CHST5: variants seen among roughly 807,000 people sequenced by gnomAD.
CHST5 encodes the protein carbohydrate sulfotransferase 5.
For missense variants in CHST5, 637 were observed against 602.1 expected, an observed-to-expected ratio of 1.06 and a Z score of -0.61; for synonymous variants, 313 against 279.2, an observed-to-expected ratio of 1.12 and a Z score of -1.21.
Position 75,530,993 on chromosome 16 carries a change from C to T in CHST5, c.-609G>A. On this transcript the variant is annotated 5_prime_UTR_variant, in exon 4 of 4. Transcript: ENST00000336257. ...AGGATTGCACCTTTTACAAGGTGTG[C>T]TTCTGTATTATATAATTTTTTTAAC... is the stretch of plus-strand genomic sequence containing the variant. 3.0e-6 allele frequency: 3 copies of T among 1,002,122 alleles called. No individual in the cohort carries two copies. The highest frequency in any genetic ancestry group is 3.6e-6 in the Non-Finnish European group (3 of 831,404). 62.1% of individuals were successfully genotyped at this position (1,002,122 alleles called of 1,614,324 possible).
chr16:75,534,722 A>C (rs947384316), intron 2 of CHST5, among the ~76,000 whole-genome samples: 1 of 152,224 alleles, frequency 6.6e-6, no homozygotes, highest in South Asian at 2.1e-4. Context: ...CCTTTCCTAA[A>C]GCCTAACATC....
rs151105071 is a variant in CHST5, at chr16:75,529,504, C to G, written c.881G>C (p.Arg294Pro). 4 of 1,611,022 alleles carry G rather than the reference C, an allele frequency of 2.5e-6. No individual in the cohort carries two copies. The highest frequency in any genetic ancestry group is 2.5e-6 in the Non-Finnish European group (3 of 1,179,656). ...PFLRGRYRLV[R>P]FEDLAREPLA... Reference sequence around the variant, plus strand: ...CGGCTCCCGCGCCAGGTCCTCGAAGCGCACCAGGCGGTAGCGGCCGCGCAG... The same window carrying G: ...CGGCTCCCGCGCCAGGTCCTCGAAGGGCACCAGGCGGTAGCGGCCGCGCAG... Residue 294 changes from arginine (R) to proline (P), a missense_variant, in exon 4 of 4, where the codon CGC (arginine) becomes CCC (proline). Coordinates refer to ENST00000336257, the MANE Select transcript of CHST5 (RefSeq NM_024533.5).
In CHST5 at chr16:75,530,277, G is replaced by A; in HGVS notation, c.108C>T (p.Leu36=). 1 of 1,612,970 alleles carries A rather than the reference G, an allele frequency of 6.2e-7. No homozygotes were observed. Among genetic ancestry groups the A allele is most frequent in the Non-Finnish European group, 8.5e-7 (1 of 1,179,786 alleles). Residue 36 remains leucine, a synonymous_variant, in exon 4 of 4, where the codon CTC becomes CTT. Coordinates refer to ENST00000336257, the MANE Select transcript of CHST5 (RefSeq NM_024533.5). ...RFSSKTVTVL[L]LAQTTCLLLF... ...GCAGGAGGCAGGTGGTCTGTGCCAG[G>A]AGGAGCACTGTCACTGTCTTGCTGG...
At chr16:75,531,677 CAG>C (rs1202767837) in intron 3 of CHST5, 37 bp from the exon 4 acceptor site, 2 of 1,292,068 alleles carry the variant, frequency 1.5e-6, no homozygotes, top group Non-Finnish European at 2.0e-6. Flanking sequence ...CAGAGCCCTA[CAG>C]AGAGACAGCC....
Position 75,529,746 on chromosome 16 carries a change from G to A in CHST5, c.639C>T (p.Pro213=), listed in dbSNP as rs759394593. ...LQVLYPLLSD[P]ALNLRIVHLV... Reference sequence around the variant, plus strand: ...GGTGCACGATGCGCAGGTTGAGCGCGGGGTCGCTGAGCAGCGGGTAGAGCA... The same window carrying A: ...GGTGCACGATGCGCAGGTTGAGCGCAGGGTCGCTGAGCAGCGGGTAGAGCA... Residue 213 remains proline, a synonymous_variant, in exon 4 of 4, where the codon CCC becomes CCT. Transcript: ENST00000336257. 1.2e-5 allele frequency: 19 copies of A among 1,613,290 alleles called. No homozygotes were observed. Among genetic ancestry groups the A allele is most frequent in the East Asian group, 4.5e-5 (2 of 44,858 alleles).
chr16:75,528,948 C>T lies in CHST5; in HGVS notation c.*201G>A, dbSNP rs1253574426. 2 of 560,802 alleles carry T rather than the reference C, an allele frequency of 3.6e-6. No individual in the cohort carries two copies. The highest frequency in any genetic ancestry group is 3.0e-5 in the East Asian group (1 of 33,198). 34.7% of individuals were successfully genotyped at this position (560,802 alleles called of 1,614,324 possible). ...ATGAAGAGTGCACCTGATGAGAAGGCAGCTCCAGAAGACTCAAAGGAAAAC... is the reference window on the plus strand; with the variant it reads ...ATGAAGAGTGCACCTGATGAGAAGGTAGCTCCAGAAGACTCAAAGGAAAAC... On this transcript the variant is annotated 3_prime_UTR_variant, in exon 4 of 4. Transcript: ENST00000336257.
Position 75,531,065 on chromosome 16 carries a change from G to A in CHST5, c.-681C>T, listed in dbSNP as rs1047665716. On this transcript the variant is annotated 5_prime_UTR_variant, in exon 4 of 4. It introduces an in-frame stop codon into an upstream open reading frame of the 5' UTR. Coordinates refer to ENST00000336257, the MANE Select transcript of CHST5 (RefSeq NM_024533.5). ...CAGCCAGGCGCGGTGGCTCACGCCT[G>A]TAATCCCAGCATTATGGGAGGCCGA... 4.0e-6 allele frequency: 4 copies of A among 1,000,782 alleles called. No individual in the cohort carries two copies. The highest frequency in any genetic ancestry group is 4.8e-6 in the Non-Finnish European group (4 of 830,532). 62.0% of individuals were successfully genotyped at this position (1,000,782 alleles called of 1,614,324 possible). A position where few individuals can be genotyped will look rare whatever the true frequency, so the allele number is the denominator to read the frequency against.
In CHST5 at chr16:75,531,606, C is replaced by T. The variant is rs561309974; in HGVS notation, c.-1222G>A. The T allele has an allele frequency of 1.2e-4, 160 of 1,303,912 alleles. 1 individual carries two copies. The African/African-American group carries it at 2.1e-3, about 17-fold the overall frequency. 80.8% of individuals were successfully genotyped at this position (1,303,912 alleles called of 1,614,324 possible). A position where few individuals can be genotyped will look rare whatever the true frequency, so the allele number is the denominator to read the frequency against. On this transcript the variant is annotated 5_prime_UTR_variant, in exon 4 of 4. Transcript: ENST00000336257. The stretch of plus-strand genomic sequence containing the variant: ...TCCAGGGCTGCTGGGAGAGCTGCAA[C>T]GCTGATCACAAATCCATGGGAGATG...
At position 75,530,755 on chromosome 16, in the gene CHST5, C is replaced by A; in HGVS notation, c.-371G>T. Reference sequence around the variant, plus strand: ...ATGGGGGCTTCGGTGGATGTCAGAGCACCACCAGGCTCGCCGAGGTTGAAT... The same window carrying A: ...ATGGGGGCTTCGGTGGATGTCAGAGAACCACCAGGCTCGCCGAGGTTGAAT... On this transcript the variant is annotated 5_prime_UTR_variant, in exon 4 of 4. Coordinates refer to ENST00000336257, the MANE Select transcript of CHST5 (RefSeq NM_024533.5). 9.5e-7 allele frequency: 1 copy of A among 1,053,282 alleles called. No individual in the cohort carries two copies. Among genetic ancestry groups the A allele is most frequent in the Non-Finnish European group, 1.2e-6 (1 of 863,066 alleles). The allele number at this position is 1,053,282 out of a possible 1,614,324, so 65.2% of individuals were successfully genotyped here. A position where few individuals can be genotyped will look rare whatever the true frequency, so the allele number is the denominator to read the frequency against.
At position 75,529,962 on chromosome 16, in the gene CHST5, G is replaced by A; in HGVS notation, c.423C>T (p.Ala141=). ...CGCGGCTCGTTGCCCAGTTGAAAAAGGCGGACAGGTTTCGGCTCTGTGGCA... is the reference window on the plus strand; with the variant it reads ...CGCGGCTCGTTGCCCAGTTGAAAAAAGCGGACAGGTTTCGGCTCTGTGGCA... The part of the protein sequence containing the change: ...AYMPQSRNLS[A]FFNWATSRAL... The change falls in exon 4 of 4, where the codon GCC becomes GCT. Residue 141 remains alanine (A), a synonymous_variant. Transcript: ENST00000336257. 6.2e-7 allele frequency: 1 copy of A among 1,613,334 alleles called. No homozygotes were observed. Among genetic ancestry groups the A allele is most frequent in the South Asian group, 1.1e-5 (1 of 91,088 alleles).
In CHST5 at chr16:75,533,644, CA is replaced by C. The variant is rs1180330010; in HGVS notation, c.-1351-462del. On this transcript the variant is annotated intron_variant, in intron 2 of 3. Coordinates refer to ENST00000336257, the MANE Select transcript of CHST5 (RefSeq NM_024533.5). ...TGAGGGCATCGCAGACTTGGCCTCC[CA>C]AAGTGTTGGGATTACAGGCGTGAGC... Among the ~76,000 whole-genome samples the C allele has an allele frequency of 2.0e-5, 3 of 152,242 alleles. No homozygotes were observed. In the East Asian group the frequency reaches 5.8e-4, roughly 30 times the overall value.
Position 75,531,341 on chromosome 16 carries a change from CAAA to C in CHST5, c.-960_-958del, listed in dbSNP as rs369238400. On this transcript the variant is annotated 5_prime_UTR_variant, in exon 4 of 4. Transcript: ENST00000336257. ...GTTTCAAAAAAAAAAAAAAAAACAA[CAAA>C]AAAAAAACTTTTGTCATTAAAGATA... The C allele has an allele frequency of 6.1e-5, 51 of 834,498 alleles. No individual in the cohort carries two copies. Among genetic ancestry groups the C allele is most frequent in the South Asian group, 3.3e-4 (8 of 24,144 alleles). The allele number at this position is 834,498 out of a possible 1,614,324, so 51.7% of individuals were successfully genotyped here. A position where few individuals can be genotyped will look rare whatever the true frequency, so the allele number is the denominator to read the frequency against.
intron 2 of CHST5, among the ~76,000 whole-genome samples, chr16:75,534,174 C>A (rs1421107205): frequency 1.3e-5 from 2 of 151,840 alleles, no homozygotes; most frequent in African/African-American, 4.8e-5. Flanking sequence ...CATGGTGAAA[C>A]CCCATCGCTA....
chr16:75,529,702 G>A lies in CHST5; in HGVS notation c.683C>T (p.Ala228Val). Residue 228 changes from alanine (A) to valine (V), a missense_variant, in exon 4 of 4, where the codon GCC becomes GTC. Coordinates refer to ENST00000336257, the MANE Select transcript of CHST5 (RefSeq NM_024533.5). ...RIVHLVRDPR[A>V]VLRSREAAGP... The stretch of plus-strand genomic sequence containing the variant: ...CGCCGCCTCCCGGGAGCGCAGCACG[G>A]CCCGCGGGTCGCGCACCAGGTGCAC... 1 of 1,611,238 alleles carries A rather than the reference G, an allele frequency of 6.2e-7. No homozygotes were observed. The highest frequency in any genetic ancestry group is 8.5e-7 in the Non-Finnish European group (1 of 1,179,026).
intron 1 of CHST5, among the ~76,000 whole-genome samples, 123 bp downstream of exon 1, chr16:75,535,921 T>A (rs1462066774): frequency 1.3e-5 from 2 of 152,162 alleles, no homozygotes; most frequent in Non-Finnish European, 1.5e-5. Context: ...AAGGCCCTAG[T>A]GAAGGAAGTC....
At chr16:75,535,642 G>A (rs1400845254) in intron 1 of CHST5, among the ~76,000 whole-genome samples, 1 of 152,184 alleles carries the variant, frequency 6.6e-6, no homozygotes, top group African/African-American at 2.4e-5. Context: ...CGGGAGCCAG[G>A]GAAATGGGAG....
rs1031947268 is a variant in CHST5 at position 75,531,181 on chromosome 16, G to C, written c.-797C>G. 1.7e-6 allele frequency: 1 copy of C among 574,684 alleles called. No individual in the cohort carries two copies. The highest frequency in any genetic ancestry group is 2.1e-5 in the African/African-American group (1 of 48,450). The allele number at this position is 574,684 out of a possible 1,614,324, so 35.6% of individuals were successfully genotyped here. Reference sequence around the variant, plus strand: ...ACTAAAAATACAAAAAATTAGCCAGGCGTGATGGTGGGCGCCTGTAGTCCC... The same window carrying C: ...ACTAAAAATACAAAAAATTAGCCAGCCGTGATGGTGGGCGCCTGTAGTCCC... On this transcript the variant is annotated 5_prime_UTR_variant, in exon 4 of 4. Coordinates refer to ENST00000336257, the MANE Select transcript of CHST5 (RefSeq NM_024533.5).
chr16:75,530,267 T>G lies in CHST5; in HGVS notation c.118A>C (p.Thr40Pro), dbSNP rs764869448. The change falls in exon 4 of 4, where the codon ACC becomes CCC. Residue 40 changes from threonine (T) to proline (P), a missense_variant. Thr to Pro is a conservative substitution (Grantham distance 38). Transcript: ENST00000336257. ...KTVTVLLLAQ[T>P]TCLLLFIISR... ...ATGATGAAGAGCAGGAGGCAGGTGG[T>G]CTGTGCCAGGAGGAGCACTGTCACT... is the stretch of plus-strand genomic sequence containing the variant. 1.2e-6 allele frequency: 2 copies of G among 1,613,260 alleles called. No homozygotes were observed. The highest frequency in any genetic ancestry group is 8.5e-7 in the Non-Finnish European group (1 of 1,179,870).
Position 75,530,285 on chromosome 16 carries a change from C to T in CHST5, c.100G>A (p.Val34Met), listed in dbSNP as rs2080505889. 6.2e-7 allele frequency: 1 copy of T among 1,612,368 alleles called. No individual in the cohort carries two copies. Among genetic ancestry groups the T allele is most frequent in the African/African-American group, 1.3e-5 (1 of 75,036 alleles). The change falls in exon 4 of 4, where the codon GTG (valine) becomes ATG (methionine). Residue 34 changes from valine to methionine, a missense_variant. Transcript: ENST00000336257. ...LPRFSSKTVT[V>M]LLLAQTTCLL... ...CAGGTGGTCTGTGCCAGGAGGAGCACTGTCACTGTCTTGCTGGAGAACCGT... is the reference window on the plus strand; with the variant it reads ...CAGGTGGTCTGTGCCAGGAGGAGCATTGTCACTGTCTTGCTGGAGAACCGT...
Sources: gnomAD v4.1 joint callset for allele counts (sites outside exome capture counted in the v4.1 genomes callset) on GRCh38, gnomAD v4.1.1 for gene constraint, MANE v1.5 for transcripts, NCBI Gene and HGNC (gene_info 2026-07-23, HGNC 2026-07-21) for gene names.